The following BCL9 variants were observed in gnomAD, a reference collection of about 807,000 sequenced individuals.
BCL9 encodes B-cell CLL/lymphoma 9 protein.
BCL9 carries 25 observed loss-of-function variants against 88.5 expected under a neutral mutation model. The observed-to-expected ratio is 0.28, with a 90% CI of 0.21 to 0.39. BCL9 has a LOEUF of 0.39. Among genes scored for constraint, BCL9 ranks in the 10% least tolerant of loss-of-function variants. The probability of loss-of-function intolerance (pLI) is 1.00; values close to 1 mark genes in which losing one functional copy is unlikely to be tolerated. For missense variants in BCL9, 1,817 were observed against 1,877.8 expected (o/e 0.97, Z 0.60); for synonymous variants, 711 against 673.3 (o/e 1.06, Z -0.87).
At chr1:147,566,020 T>C (rs1655579195) in intron 1 of BCL9, among the ~76,000 whole-genome samples, 1 of 152,210 alleles carries the variant, frequency 6.6e-6, no homozygotes, top group Non-Finnish European at 1.5e-5. Context: ...TCCCATTGAT[T>C]AATCTTCACT....
chr1:147,618,838 G>A lies in BCL9; in HGVS notation c.683G>A (p.Arg228Gln), dbSNP rs1301048507. The change falls in exon 8 of 10, where the codon CGG (arginine) becomes CAG (glutamine). Residue 228 changes from arginine (R) to glutamine (Q), a missense_variant. Around this residue, in one of 2 missense-constraint regions of BCL9, gnomAD observed 1,228 missense variants for 1,191.6 expected, o/e 1.03. Coordinates refer to ENST00000234739, the MANE Select transcript of BCL9 (RefSeq NM_004326.4). ...CAGAACACACAGATATCTGCCCTTC[G>A]GAATGATCCGAAACCTCTCCCACAA... Reference protein sequence around the residue: ...APLNTQISALRNDPKPLPQQP... With the variant: ...APLNTQISALQNDPKPLPQQP... 2.4e-5 allele frequency: 37 copies of A among 1,565,786 alleles called. No individual in the cohort carries two copies. The highest frequency in any genetic ancestry group is 3.1e-5 in the Non-Finnish European group (36 of 1,158,098).
At chr1:147,572,203 C>A (rs181243851) in intron 1 of BCL9, among the ~76,000 whole-genome samples, 1 of 152,140 alleles carries the variant, frequency 6.6e-6, no homozygotes, top group Non-Finnish European at 1.5e-5. Context: ...GATTGCGCCA[C>A]TGCACTCCAG....
intron 1 of BCL9, among the ~76,000 whole-genome samples, chr1:147,578,892 G>A (rs1039998313): frequency 6.6e-6 from 1 of 150,704 alleles, no homozygotes; most frequent in South Asian, 2.1e-4. Context: ...TTGAGATAAA[G>A]TCTCACTCTG....
chr1:147,572,108 G>T (rs1359292565), intron 1 of BCL9, among the ~76,000 whole-genome samples: 1 of 152,116 alleles, frequency 6.6e-6, no homozygotes, highest in Non-Finnish European at 1.5e-5. Flanking sequence ...TGGACGTGGT[G>T]GCGGGAGCCT....
intron 1 of BCL9, among the ~76,000 whole-genome samples, chr1:147,548,689 T>A (rs1553194509): frequency 6.6e-6 from 1 of 152,132 alleles, no homozygotes; most frequent in Non-Finnish European, 1.5e-5. Flanking sequence ...GAATAAACAG[T>A]TCACATTGAA....
chr1:147,599,790 G>A (rs967926340), intron 1 of BCL9, among the ~76,000 whole-genome samples: 1 of 151,692 alleles, frequency 6.6e-6, no homozygotes, highest in African/African-American at 2.4e-5. Flanking sequence ...CGGGGCGGCG[G>A]GAGGTGCGGC....
chr1:147,561,500 T>G (rs1655373311), intron 1 of BCL9, among the ~76,000 whole-genome samples: 1 of 152,202 alleles, frequency 6.6e-6, no homozygotes. Flanking sequence ...CATTCCCTCT[T>G]ATGATTATTC....
rs1399268230 is a variant in BCL9, at chr1:147,600,021, G to T, written c.-477-4756G>T. Among the ~76,000 whole-genome samples, 4 of 150,852 alleles carry T rather than the reference G, an allele frequency of 2.7e-5. No individual in the cohort carries two copies. In the South Asian group the frequency reaches 6.3e-4, roughly 24 times the overall value. ...GGGCGGGACGTCGGGCCGGTGGGGA[G>T]GGGGCACCCTCCGCTCGCGTCCGAG... On this transcript the variant is annotated intron_variant, in intron 1 of 9. Transcript: ENST00000234739.
intron 1 of BCL9, among the ~76,000 whole-genome samples, chr1:147,552,204 A>G (rs1475172391): frequency 1.3e-5 from 2 of 152,214 alleles, no homozygotes; most frequent in Admixed American, 6.5e-5. Context: ...GACATTTGCA[A>G]TGGTCCTTGA....
intron 1 of BCL9, among the ~76,000 whole-genome samples, chr1:147,583,803 A>C (rs1656476503): frequency 6.6e-6 from 1 of 151,032 alleles, no homozygotes; most frequent in Non-Finnish European, 1.5e-5. Context: ...AAGTACAAAA[A>C]TTAGCTGGGC....
intron 1 of BCL9, among the ~76,000 whole-genome samples, chr1:147,558,125 C>A (rs587750663): frequency 6.6e-6 from 1 of 152,156 alleles, no homozygotes; most frequent in Admixed American, 6.5e-5. Flanking sequence ...TTTAATTCTC[C>A]CAACAACCCT....
At position 147,620,119 on chromosome 1, in the gene BCL9, G is replaced by A. The variant is rs138790542; in HGVS notation, c.1964G>A (p.Ser655Asn). 11 of 1,614,086 alleles carry A rather than the reference G, an allele frequency of 6.8e-6. No homozygotes were observed. Among genetic ancestry groups the A allele is most frequent in the Non-Finnish European group, 9.3e-6 (11 of 1,180,056 alleles). Residue 655 changes from serine to asparagine, a missense_variant, in exon 8 of 10, where the codon AGC becomes AAC. Ser to Asn is a conservative substitution (Grantham distance 46, BLOSUM62 1). This residue lies in a region of BCL9 where 1,228 missense variants were observed against 1,191.6 expected (regional missense o/e 1.03). Transcript: ENST00000234739. Reference sequence around the variant, plus strand: ...ATGGCCATGGAAGGCATCAGGCCCAGCATGGAGATGAACAGGATGATTCCA... The same window carrying A: ...ATGGCCATGGAAGGCATCAGGCCCAACATGGAGATGAACAGGATGATTCCA... ...PGMAMEGIRP[S>N]MEMNRMIPGS...
At chr1:147,596,873 C>T (rs1459829539) in intron 1 of BCL9, among the ~76,000 whole-genome samples, 2 of 152,120 alleles carry the variant, frequency 1.3e-5, no homozygotes, top group Non-Finnish European at 2.9e-5. Flanking sequence ...ATAGTACAAG[C>T]AGCAGGAGCC....
chr1:147,564,454 A>C (rs1655517424), intron 1 of BCL9, among the ~76,000 whole-genome samples: 1 of 152,124 alleles, frequency 6.6e-6, no homozygotes, highest in African/African-American at 2.4e-5. Flanking sequence ...CGTGAAAGGA[A>C]CTGGAAAAAT....
rs587656042 is a variant in BCL9 at position 147,619,723 on chromosome 1, G to T, written c.1568G>T (p.Ser523Ile). 1 of 1,614,094 alleles carries T rather than the reference G, an allele frequency of 6.2e-7. No individual in the cohort carries two copies. The highest frequency in any genetic ancestry group is 2.2e-5 in the East Asian group (1 of 44,864). ...GPPPPYQMTP[S>I]EGWAPGGTEP... The stretch of plus-strand genomic sequence containing the variant: ...CCCCCTCCATACCAGATGACCCCTA[G>T]TGAAGGCTGGGCACCTGGGGGTACA... Residue 523 changes from serine to isoleucine, a missense_variant, in exon 8 of 10, where the codon AGT becomes ATT. Physicochemically the swap from Ser to Ile is moderately radical, Grantham distance 142 (BLOSUM62 -2). Transcript: ENST00000234739. The surrounding 1 kb of genome is among the most constrained non-coding windows in gnomAD (Gnocchi z 4.1).
Position 147,614,534 on chromosome 1 carries a change from C to G in BCL9, c.478C>G (p.Gln160Glu), listed in dbSNP as rs782190007. 4 of 1,613,946 alleles carry G rather than the reference C, an allele frequency of 2.5e-6. No individual in the cohort carries two copies. The African/African-American group carries it at 4.0e-5, about 16-fold the overall frequency. ...APRSSTPSHGQTTATEPTPAQ... is the reference protein window; with the variant it reads ...APRSSTPSHGETTATEPTPAQ... ...CAGGTCTTCTACCCCCTCCCATGGC[C>G]AAACTACTGCCACAGAGCCCACACC... The change falls in exon 6 of 10, where the codon CAA (glutamine) becomes GAA (glutamate). Residue 160 changes from glutamine (Q) to glutamate (E), a missense_variant. Coordinates refer to ENST00000234739, the MANE Select transcript of BCL9 (RefSeq NM_004326.4).
At chr1:147,589,735 G>T (rs1656769083) in intron 1 of BCL9, among the ~76,000 whole-genome samples, 1 of 152,134 alleles carries the variant, frequency 6.6e-6, no homozygotes, top group Non-Finnish European at 1.5e-5. Flanking sequence ...CCATTCTTCA[G>T]TTGATGGACA....
chr1:147,591,349 G>A (rs2101571233), intron 1 of BCL9, among the ~76,000 whole-genome samples: 1 of 152,184 alleles, frequency 6.6e-6, no homozygotes, highest in South Asian at 2.1e-4. Flanking sequence ...ATTGAAGAGA[G>A]GCTATAATGT....
chr1:147,542,266 G>C (rs1460354792), intron 1 of BCL9, among the ~76,000 whole-genome samples: 3 of 152,224 alleles, frequency 2.0e-5, no homozygotes, highest in Admixed American at 2.0e-4. Flanking sequence ...GGAGCGGCAT[G>C]GCAGGCAAGA....
Sources: gnomAD v4.1 joint callset for allele counts (sites outside exome capture counted in the v4.1 genomes callset) on GRCh38, gnomAD v4.1.1 for gene constraint, gnomAD v4.1.1 regional missense constraint, Gnocchi (gnomAD v3.1) non-coding constraint, MANE v1.5 for transcripts, NCBI Gene and HGNC (gene_info 2026-07-23, HGNC 2026-07-21) for gene names.